The following TIAM2 variants were observed in gnomAD, a reference collection of about 807,000 sequenced individuals.
TIAM2 encodes the protein rho guanine nucleotide exchange factor TIAM2.
TIAM2 carries 80 observed loss-of-function variants against 152.9 expected under a neutral mutation model. The ratio of observed to expected loss-of-function variants is 0.52; its 90% confidence interval spans 0.44 to 0.63. The LOEUF (loss-of-function observed/expected upper bound fraction) is 0.63. Ranked by LOEUF, TIAM2 falls within the 30% of genes least tolerant of loss-of-function variation. The pLI, the probability that TIAM2 is intolerant of heterozygous loss-of-function variation, is 0.00. For missense variants in TIAM2, 1,965 were observed against 2,120.1 expected (o/e 0.93, Z 1.44); for synonymous variants, 804 against 838.0 (o/e 0.96, Z 0.70).
At chr6:155,061,399 AAT>A (rs573061267) in intron 1 of TIAM2, among the ~76,000 whole-genome samples, 1 of 148,146 alleles carries the variant, frequency 6.8e-6, no homozygotes, top group Non-Finnish European at 1.5e-5. Context: ...TATTAAAACC[AAT>A]ATGAGCTTCT....
chr6:155,240,526 T>A lies in TIAM2; in HGVS notation c.3169-4T>A, dbSNP rs1782977281. 2.2e-5 allele frequency: 36 copies of A among 1,602,080 alleles called. No homozygotes were observed. The highest frequency in any genetic ancestry group is 3.0e-5 in the Non-Finnish European group (35 of 1,171,172). On this transcript the variant is annotated splice_region_variant and splice_polypyrimidine_tract_variant and intron_variant, in intron 15 of 26. Coordinates refer to ENST00000682666, the MANE Select transcript of TIAM2 (RefSeq NM_012454.4). ...ATTATTTTCCACCTCTTGTCCTCTCTCAGAGTGCTGAGCAGATCACTGCAC... is the reference window on the plus strand; with the variant it reads ...ATTATTTTCCACCTCTTGTCCTCTCACAGAGTGCTGAGCAGATCACTGCAC...
chr6:155,157,350 G>C (rs1237464061), intron 7 of TIAM2, among the ~76,000 whole-genome samples: 1 of 151,998 alleles, frequency 6.6e-6, no homozygotes, highest in East Asian at 1.9e-4. Context: ...TATCATATGT[G>C]ATTTCACAAT....
intron 12 of TIAM2, among the ~76,000 whole-genome samples, chr6:155,180,227 C>T (rs1329713399): frequency 6.6e-6 from 1 of 152,054 alleles, no homozygotes; most frequent in Non-Finnish European, 1.5e-5. Flanking sequence ...TGCAGTGAGC[C>T]GTAAGCCAAG....
chr6:155,115,526 G>T (rs931563074), intron 2 of TIAM2, among the ~76,000 whole-genome samples: 2 of 152,066 alleles, frequency 1.3e-5, no homozygotes, highest in Non-Finnish European at 2.9e-5. Context: ...GGTGGTGCAA[G>T]CCTATAGTCC....
At chr6:155,170,204 A>G (rs4461743) in intron 9 of TIAM2, among the ~76,000 whole-genome samples, 15,398 of 118,334 alleles carry the variant, frequency 0.13, 1,157 homozygotes, top group African/African-American at 0.29. Context: ...TGTAATCGAT[A>G]TAGTTTATAT....
At chr6:155,189,782 T>C (rs976731612) in intron 14 of TIAM2, among the ~76,000 whole-genome samples, 2 of 152,084 alleles carry the variant, frequency 1.3e-5, no homozygotes, top group South Asian at 2.1e-4. Flanking sequence ...TTTCCACTAA[T>C]TTTTCTGTTT....
chr6:155,201,119 T>C (rs1391513528), intron 14 of TIAM2, among the ~76,000 whole-genome samples: 2 of 152,182 alleles, frequency 1.3e-5, no homozygotes, highest in Admixed American at 6.5e-5. Context: ...TCAAGGTTCA[T>C]CCATGTTGTA....
chr6:155,186,894 C>G lies in TIAM2; in HGVS notation c.3064+3394C>G, dbSNP rs117498916. ...CCTGCCTTTCCCTAAATTTCACTTT[C>G]CCTTGGCATTGCTAGAAGGCAACCA... is the stretch of plus-strand genomic sequence containing the variant. On this transcript the variant is annotated intron_variant, in intron 14 of 26. Transcript: ENST00000682666. This position sits in a 1 kb window ranked among gnomAD's most constrained non-coding sequence, Gnocchi z 4.5. 2.0e-5 allele frequency among the ~76,000 whole-genome samples: 3 copies of G among 152,180 alleles called. No homozygotes were observed. Among genetic ancestry groups the G allele is most frequent in the African/African-American group, 4.8e-5 (2 of 41,444 alleles).
At chr6:155,107,889 G>A (rs1055682764) in intron 2 of TIAM2, among the ~76,000 whole-genome samples, 2 of 152,168 alleles carry the variant, frequency 1.3e-5, no homozygotes, top group African/African-American at 4.8e-5. Flanking sequence ...AGGGGCCGAG[G>A]AGCCCTGGCT....
At chr6:155,173,773 G>T (rs1780695724) in intron 9 of TIAM2, among the ~76,000 whole-genome samples, 1 of 152,228 alleles carries the variant, frequency 6.6e-6, no homozygotes, top group Non-Finnish European at 1.5e-5. Flanking sequence ...TCTCCTGTGA[G>T]CTGGGCTTTG....
intron 1 of TIAM2, among the ~76,000 whole-genome samples, chr6:155,010,486 G>A (rs564528744): frequency 1.3e-5 from 2 of 152,020 alleles, no homozygotes; most frequent in South Asian, 2.1e-4. Context: ...ATGGAGTTTC[G>A]CTCTTGTTGC....
intron 1 of TIAM2, among the ~76,000 whole-genome samples, chr6:155,064,442 A>G (rs547237039): frequency 6.6e-6 from 1 of 152,224 alleles, no homozygotes; most frequent in Non-Finnish European, 1.5e-5. Context: ...CAGCTTGCCT[A>G]TGCCTTAATT....
intron 13 of TIAM2, 118 bp from the exon 14 acceptor site, chr6:155,183,119 C>T (rs1780949274): frequency 1.5e-6 from 2 of 1,330,674 alleles, no homozygotes; most frequent in African/African-American, 2.9e-5. Context: ...TTGAAGAAAG[C>T]AACAAACAAA....
At chr6:155,137,829 A>AT (rs1779591134) in intron 5 of TIAM2, among the ~76,000 whole-genome samples, 1 of 152,114 alleles carries the variant, frequency 6.6e-6, no homozygotes, top group South Asian at 2.1e-4. Context: ...TAATTAGTGG[A>AT]TTTTTTACTT....
At position 155,164,417 on chromosome 6, in the gene TIAM2, C is replaced by T; in HGVS notation, c.2031C>T (p.Ile677=). ...PKNRKAIENQ[I]QQWEQNLEKF... ...ATCACCTCTGTTTTTGCTTTAAGAT[C>T]CAGCAATGGGAGCAGAATCTTGAGA... The change falls in exon 8 of 27, where the codon ATC becomes ATT. Residue 677 remains isoleucine, a splice_region_variant and synonymous_variant. Transcript: ENST00000682666. The T allele has an allele frequency of 6.4e-7, 1 of 1,570,954 alleles. No homozygotes were observed. The highest frequency in any genetic ancestry group is 8.7e-7 in the Non-Finnish European group (1 of 1,150,724).
intron 1 of TIAM2, among the ~76,000 whole-genome samples, chr6:155,006,489 A>C (rs1256554789): frequency 2.0e-5 from 3 of 151,746 alleles, no homozygotes; most frequent in Non-Finnish European, 4.4e-5. Context: ...CAACATGGTG[A>C]AACCCTGTCT....
intron 14 of TIAM2, among the ~76,000 whole-genome samples, chr6:155,205,880 G>T (rs1196766283): frequency 6.6e-6 from 1 of 152,228 alleles, no homozygotes; most frequent in African/African-American, 2.4e-5. Flanking sequence ...AACTGTGCTA[G>T]GTTGGATTTG....
chr6:155,051,653 T>C (rs1486699985), intron 1 of TIAM2, among the ~76,000 whole-genome samples: 1 of 150,878 alleles, frequency 6.6e-6, no homozygotes, highest in African/African-American at 2.4e-5. Flanking sequence ...GCTCTTATTG[T>C]TTTTTTTTGA....
intron 1 of TIAM2, among the ~76,000 whole-genome samples, chr6:155,080,809 T>C (rs1193966743): frequency 1.3e-5 from 2 of 152,164 alleles, no homozygotes; most frequent in African/African-American, 4.8e-5. Context: ...AGTATGTTGC[T>C]ATAAAGTAGC....
Sources: gnomAD v4.1 joint callset for allele counts (sites outside exome capture counted in the v4.1 genomes callset) on GRCh38, gnomAD v4.1.1 for gene constraint, Gnocchi (gnomAD v3.1) non-coding constraint, MANE v1.5 for transcripts, NCBI Gene and HGNC (gene_info 2026-07-23, HGNC 2026-07-21) for gene names.